Variants in LARP1B observed in about 807,000 individuals in gnomAD.
The protein encoded by LARP1B is la-related protein 1B.
A neutral mutation model predicts 114.2 loss-of-function variants in LARP1B; 76 were observed. The ratio of observed to expected loss-of-function variants is 0.67; its 90% CI spans 0.55 to 0.81. The LOEUF (loss-of-function observed/expected upper bound fraction) is 0.81, where lower values mean the gene tolerates loss of function less well. LARP1B is among the 30% of genes least tolerant of loss of function. The pLI is 0.00. For missense variants in LARP1B, 1,014 were observed against 1,075.8 expected (o/e 0.94, Z 0.80); for synonymous variants, 345 against 348.0 (o/e 0.99, Z 0.10).
At chr4:128,133,026 G>A (rs1185026915) in intron 11 of LARP1B, among the ~76,000 whole-genome samples, 1 of 152,014 alleles carries the variant, frequency 6.6e-6, no homozygotes, top group Non-Finnish European at 1.5e-5. Context: ...GCTCCTATGA[G>A]AATCTAATGC....
intron 11 of LARP1B, among the ~76,000 whole-genome samples, chr4:128,131,184 A>G (rs1049822587): frequency 2.0e-5 from 3 of 152,184 alleles, no homozygotes; most frequent in African/African-American, 7.2e-5. Flanking sequence ...CATCTATTGT[A>G]ACTAATGTAT....
chr4:128,122,438 G>GTTTT (rs377102754), intron 11 of LARP1B: 22 of 1,189,530 alleles, frequency 1.8e-5, no homozygotes, highest in African/African-American at 1.1e-4. Context: ...TTATACCCTT[G>GTTTT]TTTTTTTTTT....
intron 1 of LARP1B, chr4:128,069,317 CCG>C: frequency 1.2e-6 from 1 of 824,658 alleles, no homozygotes; most frequent in South Asian, 1.3e-5. Context: ...ATCCAGCTTG[CCG>C]CTTTGCAATG....
intron 1 of LARP1B, among the ~76,000 whole-genome samples, chr4:128,062,403 C>G (rs188715234): frequency 3.3e-5 from 5 of 152,264 alleles, no homozygotes; most frequent in Non-Finnish European, 5.9e-5. Context: ...ACATGGGCAT[C>G]TGGGAAGGGA....
rs62335639 is a variant in LARP1B, at chr4:128,073,268, T to C, written c.-77-1192T>C. Among the ~76,000 whole-genome samples, 802 of 151,428 alleles carry C rather than the reference T, an allele frequency of 5.3e-3. 5 individuals carry two copies. Among genetic ancestry groups the C allele is most frequent in the Non-Finnish European group, 9.0e-3 (608 of 67,842 alleles). On this transcript the variant is annotated intron_variant, in intron 1 of 19. Coordinates refer to ENST00000326639, the MANE Select transcript of LARP1B (RefSeq NM_018078.4). ...GTCTCTCCTAAAAATACAAAAAAAT[T>C]AGCCAGGCATGGTGGCAGGCGCCTG...
chr4:128,118,528 G>A (rs867142179), intron 10 of LARP1B, among the ~76,000 whole-genome samples: 7 of 151,896 alleles, frequency 4.6e-5, no homozygotes, highest in Non-Finnish European at 8.8e-5. Flanking sequence ...GAGTCACCGC[G>A]CCCTGCTCTG....
chr4:128,088,148 T>C (rs1774405186), intron 5 of LARP1B, among the ~76,000 whole-genome samples: 1 of 151,994 alleles, frequency 6.6e-6, no homozygotes, highest in East Asian at 1.9e-4. Context: ...TGAGCTATGA[T>C]CATGCCACTG....
intron 12 of LARP1B, among the ~76,000 whole-genome samples, chr4:128,166,510 A>G (rs1043430540): frequency 6.6e-6 from 1 of 151,876 alleles, no homozygotes; most frequent in Non-Finnish European, 1.5e-5. Flanking sequence ...TGATATATAT[A>G]TAGTGTAATG....
chr4:128,121,678 A>G, intron 10 of LARP1B, 148 bp from the exon 11 acceptor site: 1 of 556,202 alleles, frequency 1.8e-6, no homozygotes, highest in Non-Finnish European at 3.1e-6. Flanking sequence ...CCAAAATAAT[A>G]CTCACTTGAT....
chr4:128,141,685 A>G (rs541875498), intron 11 of LARP1B, among the ~76,000 whole-genome samples: 2 of 152,236 alleles, frequency 1.3e-5, no homozygotes, highest in East Asian at 3.9e-4. Flanking sequence ...GCTTTGTGGT[A>G]TTTGAGAGAA....
rs763845424 is a variant in LARP1B, at chr4:128,114,608, A to T, written c.1027A>T (p.Ser343Cys). 10 of 1,613,688 alleles carry T rather than the reference A, an allele frequency of 6.2e-6. No individual in the cohort carries two copies. The Admixed American group carries it at 6.7e-5, about 11-fold the overall frequency. Reference sequence around the variant, plus strand: ...TTCTCCAAGAATTGGAAGCCCATTGAGCCCAAAGAAAAACAGTGAAACAAG... The same window carrying T: ...TTCTCCAAGAATTGGAAGCCCATTGTGCCCAAAGAAAAACAGTGAAACAAG... ...PNSPRIGSPL[S>C]PKKNSETSIL... The change falls in exon 10 of 20, where the codon AGC becomes TGC. Residue 343 changes from serine to cysteine, a missense_variant. Coordinates refer to ENST00000326639, the MANE Select transcript of LARP1B (RefSeq NM_018078.4).
intron 11 of LARP1B, among the ~76,000 whole-genome samples, chr4:128,160,316 C>A (rs1737845768): frequency 6.6e-6 from 1 of 152,102 alleles, no homozygotes; most frequent in Admixed American, 6.5e-5. Context: ...TGGTGTAATT[C>A]AATTTTTATA....
At chr4:128,194,569 G>A (rs1249507845) in intron 15 of LARP1B, among the ~76,000 whole-genome samples, 1 of 149,374 alleles carries the variant, frequency 6.7e-6, no homozygotes, top group Non-Finnish European at 1.5e-5. Context: ...TGTAGTCCCA[G>A]CTACTCGGGA....
chr4:128,135,550 C>T (rs749231111), intron 11 of LARP1B, among the ~76,000 whole-genome samples: 63 of 152,146 alleles, frequency 4.1e-4, no homozygotes, highest in South Asian at 1.9e-3. Context: ...AATGGATAAA[C>T]AAAATGTAGT....
chr4:128,148,183 C>T (rs1731158214), intron 11 of LARP1B, among the ~76,000 whole-genome samples: 1 of 152,286 alleles, frequency 6.6e-6, no homozygotes, highest in South Asian at 2.1e-4. Flanking sequence ...GTAATCCTAG[C>T]ACTTTGGGAG....
intron 15 of LARP1B, among the ~76,000 whole-genome samples, chr4:128,195,309 G>A (rs1753717866): frequency 6.6e-6 from 1 of 152,000 alleles, no homozygotes; most frequent in Admixed American, 6.6e-5. Context: ...TTTTATCTTC[G>A]TTCTTTCCTT....
At chr4:128,196,382 A>G (rs1451341482) in intron 15 of LARP1B, among the ~76,000 whole-genome samples, 3 of 151,162 alleles carry the variant, frequency 2.0e-5, no homozygotes, top group Non-Finnish European at 4.4e-5. Flanking sequence ...AGCCAGGCAT[A>G]GTGGTACTTG....
chr4:128,061,190 C>T (rs1304513799), upstream of LARP1B: 1 of 152,152 alleles, frequency 6.6e-6, no homozygotes, highest in Non-Finnish European at 1.5e-5. Context: ...GCGAATCCGT[C>T]AGCTCCCGCG....
intron 11 of LARP1B, among the ~76,000 whole-genome samples, chr4:128,126,207 C>T (rs1036363394): frequency 5.3e-5 from 8 of 151,322 alleles, no homozygotes; most frequent in South Asian, 2.1e-4. Flanking sequence ...CTGCAACCTC[C>T]GCCTCCCAGG....
Sources: gnomAD v4.1 joint callset for allele counts (sites outside exome capture counted in the v4.1 genomes callset) on GRCh38, gnomAD v4.1.1 for gene constraint, MANE v1.5 for transcripts, NCBI Gene and HGNC (gene_info 2026-07-23, HGNC 2026-07-21) for gene names.